FAAH2: variants seen among roughly 807,000 people sequenced by gnomAD.
FAAH2 encodes fatty-acid amide hydrolase 2.
A neutral mutation model predicts 36.9 loss-of-function variants in FAAH2; 60 were observed. That is an observed-to-expected ratio of 1.63 (90% CI 1.32 to 2.02). The LOEUF (loss-of-function observed/expected upper bound fraction) is 2.02, where lower values mean the gene tolerates loss of function less well. FAAH2 is among the 30% of genes most tolerant of loss of function. FAAH2 has a pLI of 0.00. For missense variants in FAAH2, 689 were observed against 397.5 expected, an observed-to-expected ratio of 1.73 and a Z score of -6.23; for synonymous variants, 214 against 143.8, an observed-to-expected ratio of 1.49 and a Z score of -3.49.
intron 10 of FAAH2, among the ~76,000 whole-genome samples, chrX:57,460,479 C>A (rs1397823350): frequency 2.7e-5 from 3 of 111,738 alleles, no homozygotes; most frequent in Non-Finnish European, 1.9e-5. Context: ...ACCCTACAAG[C>A]CAGAAGAGAG....
chrX:57,340,222 G>A (rs1188804564), intron 4 of FAAH2, among the ~76,000 whole-genome samples: 2 of 111,720 alleles, frequency 1.8e-5, no homozygotes, highest in East Asian at 5.7e-4. Context: ...GATGAATGCT[G>A]GAAGACACAG....
intron 5 of FAAH2, among the ~76,000 whole-genome samples, chrX:57,361,162 C>T (rs545254766): frequency 5.4e-5 from 6 of 111,611 alleles, no homozygotes; most frequent in African/African-American, 1.9e-4. Context: ...GCAGTGAAAC[C>T]ATCAGGTTAC....
chrX:57,378,559 G>A (rs961590175), intron 5 of FAAH2, 92 bp from the exon 6 acceptor site: 3 of 1,094,810 alleles, frequency 2.7e-6, no homozygotes, highest in Admixed American at 2.8e-5. Flanking sequence ...AGGAGAAAAA[G>A]TATTTAAGAT....
At chrX:57,216,552 A>ACG in the FAAH2 span, among the ~76,000 whole-genome samples, 267 of 30,612 alleles carry the variant, frequency 8.7e-3, 23 homozygotes, top group African/African-American at 0.049. Flanking sequence ...ACGTATATGT[A>ACG]TATATATATA....
At chrX:57,350,209 GA>G (rs1395626909) in intron 5 of FAAH2, among the ~76,000 whole-genome samples, 1 of 111,162 alleles carries the variant, frequency 9.0e-6, no homozygotes, top group African/African-American at 3.3e-5. Flanking sequence ...TACAAATGCT[GA>G]GGGAATTTGT....
intron 10 of FAAH2, among the ~76,000 whole-genome samples, chrX:57,448,972 G>A (rs898282487): frequency 2.7e-5 from 3 of 111,171 alleles, no homozygotes; most frequent in Non-Finnish European, 5.7e-5. Context: ...CCTCAGGGAG[G>A]TTCAGCCACT....
intron 10 of FAAH2, among the ~76,000 whole-genome samples, chrX:57,477,204 G>A (rs1398817154): frequency 5.5e-5 from 6 of 109,545 alleles, no homozygotes; most frequent in Non-Finnish European, 1.1e-4. Context: ...ATCTCTTTCA[G>A]TTCTGCTCTG....
At chrX:57,227,915 G>A in the FAAH2 span, among the ~76,000 whole-genome samples, 1 of 111,299 alleles carries the variant, frequency 9.0e-6, no homozygotes, top group African/African-American at 3.3e-5. Context: ...CAGGTTGTCA[G>A]GGAAGTGGGG....
chrX:57,291,306 G>A (rs1182655292), intron 1 of FAAH2, among the ~76,000 whole-genome samples: 1 of 111,943 alleles, frequency 8.9e-6, no homozygotes, highest in Non-Finnish European at 1.9e-5. Flanking sequence ...AAAAGTATAT[G>A]ACTGTTACAG....
the FAAH2 span, among the ~76,000 whole-genome samples, chrX:57,140,855 A>G: frequency 9.0e-6 from 1 of 111,639 alleles, no homozygotes; most frequent in Admixed American, 9.5e-5. Context: ...GGAATGATTG[A>G]AAAACTGCCT....
chrX:57,429,345 A>G (rs889333488), intron 7 of FAAH2, among the ~76,000 whole-genome samples: 3 of 109,760 alleles, frequency 2.7e-5, no homozygotes, highest in Non-Finnish European at 5.7e-5. Context: ...TCTCAAAAAA[A>G]AAAAAAAAAA....
At chrX:57,278,110 G>A in the FAAH2 span, among the ~76,000 whole-genome samples, 1 of 111,620 alleles carries the variant, frequency 9.0e-6, no homozygotes, top group African/African-American at 3.3e-5. Context: ...AGCCCTCATT[G>A]CCATGACAAT....
chrX:57,466,107 A>G (rs759032047), intron 10 of FAAH2, among the ~76,000 whole-genome samples: 1 of 101,179 alleles, frequency 9.9e-6, no homozygotes, highest in Non-Finnish European at 2.0e-5. Flanking sequence ...AGTGAAAGCT[A>G]TAGCACTGTA....
At chrX:57,215,438 C>T in the FAAH2 span, among the ~76,000 whole-genome samples, 30 of 111,467 alleles carry the variant, frequency 2.7e-4, 1 homozygote, top group African/African-American at 8.5e-4. Context: ...TCAGAAATAC[C>T]ATTTGACCCG....
At chrX:57,358,786 G>A (rs1295164800) in intron 5 of FAAH2, among the ~76,000 whole-genome samples, 1 of 111,163 alleles carries the variant, frequency 9.0e-6, no homozygotes, top group Non-Finnish European at 1.9e-5. Flanking sequence ...ACATTTTTGG[G>A]GGATCTTCAT....
At chrX:57,289,354 A>G (rs1188169038) in intron 1 of FAAH2, among the ~76,000 whole-genome samples, 1 of 110,702 alleles carries the variant, frequency 9.0e-6, no homozygotes, top group Non-Finnish European at 1.9e-5. Context: ...TATTATTCAG[A>G]ATTCAGGCTA....
chrX:57,219,831 C>T, the FAAH2 span, among the ~76,000 whole-genome samples: 1 of 102,449 alleles, frequency 9.8e-6, no homozygotes, highest in South Asian at 4.5e-4. Flanking sequence ...AACATTAGGC[C>T]TCAAGCTAGA....
the FAAH2 span, among the ~76,000 whole-genome samples, chrX:57,187,826 G>A: frequency 4.5e-5 from 5 of 110,851 alleles, no homozygotes; most frequent in Admixed American, 2.9e-4. Context: ...GAGATAATGT[G>A]GTTTTGTCAT....
intron 10 of FAAH2, chrX:57,452,224 T>C (rs1410467888): frequency 8.0e-6 from 6 of 752,802 alleles, no homozygotes; most frequent in African/African-American, 2.3e-5. Context: ...GAGAAACCCA[T>C]TGATATTGGT....
Sources: gnomAD v4.1 joint callset for allele counts (sites outside exome capture counted in the v4.1 genomes callset) on GRCh38, gnomAD v4.1.1 for gene constraint, MANE v1.5 for transcripts, NCBI Gene and HGNC (gene_info 2026-07-23, HGNC 2026-07-21) for gene names.